The following PLCB1 variants were observed in gnomAD, a reference collection of about 807,000 sequenced individuals.
PLCB1 encodes the protein phospholipase C beta 1.
PLCB1 carries 46 observed loss-of-function variants against 161.8 expected under a neutral mutation model. The observed-to-expected ratio is 0.28, with a 90% CI of 0.22 to 0.36. The LOEUF is 0.36. Among genes scored for constraint, PLCB1 ranks in the 10% least tolerant of loss-of-function variants. PLCB1 has a pLI of 1.00. For missense variants in PLCB1, 1,016 were observed against 1,472.5 expected, an observed-to-expected ratio of 0.69 and a Z score of 5.07; for synonymous variants, 517 against 503.7, an observed-to-expected ratio of 1.03 and a Z score of -0.35.
At chr20:8,391,785 G>GTGTA (rs1402416425) in intron 3 of PLCB1, among the ~76,000 whole-genome samples, 5 of 115,158 alleles carry the variant, frequency 4.3e-5, no homozygotes, top group East Asian at 2.6e-4. Context: ...ATATGTGTGT[G>GTGTA]TATATATATA....
chr20:8,475,055 G>C (rs1302213048), intron 3 of PLCB1, among the ~76,000 whole-genome samples: 1 of 151,278 alleles, frequency 6.6e-6, no homozygotes, highest in Non-Finnish European at 1.5e-5. Flanking sequence ...ACACTCTTTA[G>C]TATATTTGGC....
chr20:8,456,452 T>A (rs2122668312), intron 3 of PLCB1, among the ~76,000 whole-genome samples: 1 of 152,306 alleles, frequency 6.6e-6, no homozygotes, highest in South Asian at 2.1e-4. Context: ...TTTTGGGAAT[T>A]TTTTTTCTTT....
intron 3 of PLCB1, among the ~76,000 whole-genome samples, chr20:8,496,601 C>T (rs1983184025): frequency 6.6e-6 from 1 of 152,188 alleles, no homozygotes; most frequent in Non-Finnish European, 1.5e-5. Flanking sequence ...ACAAGATTCA[C>T]AGGCCATACT....
At chr20:8,814,538 A>G (rs1011367526) in intron 31 of PLCB1, among the ~76,000 whole-genome samples, 20 of 150,802 alleles carry the variant, frequency 1.3e-4, no homozygotes, top group African/African-American at 4.9e-4. Context: ...CCATCCATCC[A>G]TTCTTTCATC....
intron 26 of PLCB1, among the ~76,000 whole-genome samples, chr20:8,766,667 A>T (rs1265928121): frequency 6.6e-6 from 1 of 152,212 alleles, no homozygotes; most frequent in Non-Finnish European, 1.5e-5. Flanking sequence ...GATATGGCGA[A>T]ATTTGAGAGT....
intron 2 of PLCB1, among the ~76,000 whole-genome samples, chr20:8,347,117 G>C (rs1986023738): frequency 6.6e-6 from 1 of 152,166 alleles, no homozygotes; most frequent in Non-Finnish European, 1.5e-5. Flanking sequence ...CAGATCCAGA[G>C]GGTTCCTGTA....
chr20:8,621,407 T>G (rs1181954053), intron 3 of PLCB1, among the ~76,000 whole-genome samples: 1 of 152,128 alleles, frequency 6.6e-6, no homozygotes, highest in Non-Finnish European at 1.5e-5. Flanking sequence ...ACTGACTCAA[T>G]GAGGAGGAAA....
chr20:8,534,589 C>G lies in PLCB1; in HGVS notation c.247-93705C>G, dbSNP rs369734883. 2.0e-3 allele frequency among the ~76,000 whole-genome samples: 298 copies of G among 147,964 alleles called. 9 individuals are homozygous for G. The South Asian group carries it at 0.057, about 28-fold the overall frequency. On this transcript the variant is annotated intron_variant, in intron 3 of 31. Coordinates refer to ENST00000338037, the MANE Select transcript of PLCB1 (RefSeq NM_015192.4). ...ACCTTGTGGAACTGGAGTGAAACAA[C>G]GGGGGCGTTGCTTCCAGCCATCTGG...
At chr20:8,688,822 A>T (rs1391848090) in intron 10 of PLCB1, among the ~76,000 whole-genome samples, 1 of 152,150 alleles carries the variant, frequency 6.6e-6, no homozygotes, top group Non-Finnish European at 1.5e-5. Flanking sequence ...TGCTTTGGCT[A>T]TGCGGGCTAT....
At chr20:8,578,124 TTAATACCTTATTAAGAATAAGGAC>T (rs1986731379) in intron 3 of PLCB1, among the ~76,000 whole-genome samples, 1 of 152,246 alleles carries the variant, frequency 6.6e-6, no homozygotes, top group Non-Finnish European at 1.5e-5. Context: ...TCTTCACTGC[TTAATACCTTATTAAGAATAAGGAC>T]TATGCAAACT....
chr20:8,359,821 A>G lies in PLCB1; in HGVS notation c.178-11561A>G, dbSNP rs955246643. ...TTGAAAGATTCCAAAAACATACAGAAATATATCTAAAGCCAAAAAAGTAAG... is the reference window on the plus strand; with the variant it reads ...TTGAAAGATTCCAAAAACATACAGAGATATATCTAAAGCCAAAAAAGTAAG... On this transcript the variant is annotated intron_variant, in intron 2 of 31. Coordinates refer to ENST00000338037, the MANE Select transcript of PLCB1 (RefSeq NM_015192.4). 3.3e-5 allele frequency among the ~76,000 whole-genome samples: 5 copies of G among 152,228 alleles called. No individual in the cohort carries two copies. In the East Asian group the frequency reaches 7.7e-4, roughly 23 times the overall value.
At chr20:8,497,173 G>C (rs1983212939) in intron 3 of PLCB1, among the ~76,000 whole-genome samples, 1 of 152,198 alleles carries the variant, frequency 6.6e-6, no homozygotes, top group Non-Finnish European at 1.5e-5. Flanking sequence ...TTTTACTTAG[G>C]CTCATGCTTT....
At chr20:8,689,832 G>A (rs1990434401) in intron 10 of PLCB1, among the ~76,000 whole-genome samples, 1 of 150,822 alleles carries the variant, frequency 6.6e-6, no homozygotes, top group Non-Finnish European at 1.5e-5. Flanking sequence ...ATTGTGTCAG[G>A]TTAGTTTAAA....
chr20:8,743,878 G>A (rs917481632), intron 23 of PLCB1, among the ~76,000 whole-genome samples: 1 of 152,006 alleles, frequency 6.6e-6, no homozygotes, highest in East Asian at 1.9e-4. Context: ...TTACTCATAT[G>A]AACATCAGTA....
intron 3 of PLCB1, among the ~76,000 whole-genome samples, chr20:8,609,359 A>T (rs1341968226): frequency 7.2e-5 from 11 of 152,204 alleles, no homozygotes; most frequent in Admixed American, 2.6e-4. Flanking sequence ...GAGGAGATTA[A>T]AAGTTTGAAA....
At chr20:8,374,460 C>T (rs935531656) in intron 3 of PLCB1, among the ~76,000 whole-genome samples, 2 of 152,156 alleles carry the variant, frequency 1.3e-5, no homozygotes, top group South Asian at 2.1e-4. Context: ...CCTTTTCCAT[C>T]TTCAGGTTCC....
intron 3 of PLCB1, among the ~76,000 whole-genome samples, chr20:8,471,516 C>G (rs1982052500): frequency 6.6e-6 from 1 of 152,042 alleles, no homozygotes; most frequent in African/African-American, 2.4e-5. Flanking sequence ...GTGTTACAAA[C>G]TCAGAATTAA....
chr20:8,252,175 G>A (rs958647146), intron 2 of PLCB1, among the ~76,000 whole-genome samples: 2 of 151,884 alleles, frequency 1.3e-5, no homozygotes, highest in East Asian at 1.9e-4. Flanking sequence ...TGGCAATGTC[G>A]AGATCCAGCC....
At chr20:8,288,383 T>A (rs532690105) in intron 2 of PLCB1, among the ~76,000 whole-genome samples, 32 of 152,118 alleles carry the variant, frequency 2.1e-4, no homozygotes, top group Non-Finnish European at 4.0e-4. Context: ...AAGCAGAGCT[T>A]GAGATGGAGA....
Sources: allele counts gnomAD v4.1 joint callset (sites outside exome capture counted in the v4.1 genomes callset), GRCh38; gene constraint gnomAD v4.1.1; transcripts MANE v1.5; gene names NCBI Gene and HGNC (gene_info 2026-07-23, HGNC 2026-07-21).